STIM2: variants seen among roughly 807,000 people sequenced by gnomAD.
The protein encoded by STIM2 is stromal interaction molecule 2.
Under a neutral mutation model 85.8 loss-of-function variants are expected in STIM2, and 31 were observed. That is an observed-to-expected ratio of 0.36 (90% CI 0.27 to 0.49). The LOEUF (loss-of-function observed/expected upper bound fraction) is 0.49. STIM2 is among the 20% of genes least tolerant of loss of function. STIM2 has a pLI of 0.98. For missense variants in STIM2, 841 were observed against 927.6 expected (o/e 0.91, Z 1.21); for synonymous variants, 356 against 331.1 (o/e 1.08, Z -0.82).
At chr4:26,865,863 G>C (rs777373764) in intron 1 of STIM2, among the ~76,000 whole-genome samples, 4 of 152,018 alleles carry the variant, frequency 2.6e-5, no homozygotes, top group Non-Finnish European at 5.9e-5. Context: ...GACCATTTTG[G>C]ACTCAGACTA....
intron 3 of STIM2, among the ~76,000 whole-genome samples, chr4:26,985,437 A>G (rs1473922259): frequency 6.6e-6 from 1 of 152,162 alleles, no homozygotes; most frequent in Non-Finnish European, 1.5e-5. Context: ...ACTGGTGTAC[A>G]CCTGTGTTGT....
intron 1 of STIM2, among the ~76,000 whole-genome samples, chr4:26,884,584 C>A (rs6855521): frequency 0.19 from 29,323 of 152,174 alleles, 3,725 homozygotes; most frequent in Middle Eastern, 0.31. Flanking sequence ...GAAATTGTGT[C>A]GTTGTATAGG....
chr4:26,877,952 C>A (rs1042774975), intron 1 of STIM2, among the ~76,000 whole-genome samples: 2 of 152,158 alleles, frequency 1.3e-5, no homozygotes, highest in African/African-American at 2.4e-5. Context: ...CTTTGCCCAT[C>A]TGCCATGTAG....
chr4:26,927,911 C>T (rs1262910807), intron 2 of STIM2, among the ~76,000 whole-genome samples: 3 of 145,912 alleles, frequency 2.1e-5, no homozygotes, highest in African/African-American at 7.6e-5. Context: ...TAATATATTT[C>T]TTAGTCTGGT....
At chr4:26,970,942 G>A (rs1457796117) in intron 3 of STIM2, among the ~76,000 whole-genome samples, 1 of 152,164 alleles carries the variant, frequency 6.6e-6, no homozygotes, top group African/African-American at 2.4e-5. Flanking sequence ...GTTCTGATTG[G>A]CATGAGATGG....
chr4:27,008,433 A>C lies in STIM2; in HGVS notation c.1155A>C (p.Glu385Asp). Residue 385 changes from glutamate (E) to aspartate (D), a missense_variant, in exon 9 of 12, where the codon GAA becomes GAC. Glu to Asp is a conservative substitution (Grantham distance 45, BLOSUM62 2). Around this residue, in one of 3 missense-constraint regions of STIM2, gnomAD observed 408 missense variants for 525.4 expected, o/e 0.78. Coordinates refer to ENST00000467087, the MANE Select transcript of STIM2 (RefSeq NM_020860.4). ...TAGTCCTTTTCGGTTTCTAGGCAGAAAAAATTAAAAAGAAGAGAAGCACAG... is the reference window on the plus strand; with the variant it reads ...TAGTCCTTTTCGGTTTCTAGGCAGACAAAATTAAAAAGAAGAGAAGCACAG... The C allele has an allele frequency of 1.3e-6, 2 of 1,581,136 alleles. No homozygotes were observed. The highest frequency in any genetic ancestry group is 1.7e-6 in the Non-Finnish European group (2 of 1,167,146).
intron 1 of STIM2, among the ~76,000 whole-genome samples, chr4:26,909,542 C>T (rs952855654): frequency 2.6e-5 from 4 of 152,240 alleles, no homozygotes; most frequent in South Asian, 2.1e-4. Context: ...AGTAAAACAA[C>T]GTATTGCACT....
At chr4:26,982,016 A>G (rs558293341) in intron 3 of STIM2, among the ~76,000 whole-genome samples, 1 of 151,774 alleles carries the variant, frequency 6.6e-6, no homozygotes, top group East Asian at 1.9e-4. Context: ...TTAAAATCAC[A>G]TTCCTCATTT....
intron 2 of STIM2, among the ~76,000 whole-genome samples, chr4:26,941,972 A>G (rs1490780293): frequency 6.6e-6 from 1 of 152,184 alleles, no homozygotes; most frequent in Admixed American, 6.5e-5. Flanking sequence ...AAATCTTTGT[A>G]TTACTGTAAA....
Position 27,023,002 on chromosome 4 carries a change from CT to C in STIM2, c.*7del. The C allele has an allele frequency of 6.2e-7, 1 of 1,605,406 alleles. No individual in the cohort carries two copies. Among genetic ancestry groups the C allele is most frequent in the African/African-American group, 1.3e-5 (1 of 74,798 alleles). ...TTAAGAAGAAATCTAAGTGAACTGGCTGACTTGATGGAATCATGTTCAAGTG... is the reference window on the plus strand; with the variant it reads ...TTAAGAAGAAATCTAAGTGAACTGGCGACTTGATGGAATCATGTTCAAGTG... On this transcript the variant is annotated 3_prime_UTR_variant, in exon 12 of 12. Coordinates refer to ENST00000467087, the MANE Select transcript of STIM2 (RefSeq NM_020860.4).
At chr4:26,874,012 C>G (rs1210091151) in intron 1 of STIM2, 101 of 782,778 alleles carry the variant, frequency 1.3e-4, no homozygotes, top group Non-Finnish European at 6.8e-6. Flanking sequence ...TGGCCTTCAC[C>G]TGAGTCTCCA....
intron 3 of STIM2, among the ~76,000 whole-genome samples, chr4:26,993,119 G>T (rs763924573): frequency 1.3e-5 from 2 of 152,130 alleles, no homozygotes; most frequent in East Asian, 3.8e-4. Flanking sequence ...TTGTGTGGGC[G>T]TGTGAGGTAC....
At chr4:26,873,844 G>T in intron 1 of STIM2, 2 of 1,022,280 alleles carry the variant, frequency 2.0e-6, no homozygotes, top group Non-Finnish European at 3.1e-6. Context: ...GTAGTGGGTG[G>T]GTACGTGAAC....
chr4:27,022,669 G>C lies in STIM2; in HGVS notation c.1914G>C (p.Gly638=), dbSNP rs1008598772. The change falls in exon 12 of 12, where the codon GGG becomes GGC. Residue 638 remains glycine, a synonymous_variant. Transcript: ENST00000467087. ...TGTCCCTAGAGGATTCCTCCCGAGG[G>C]GATTCGCCTGTAACTGTGGATGTGT... 1 of 1,614,060 alleles carries C rather than the reference G, an allele frequency of 6.2e-7. No individual in the cohort carries two copies. Among genetic ancestry groups the C allele is most frequent in the African/African-American group, 1.3e-5 (1 of 74,922 alleles).
intron 3 of STIM2, among the ~76,000 whole-genome samples, chr4:26,974,553 T>G (rs1727106493): frequency 6.6e-6 from 1 of 152,234 alleles, no homozygotes; most frequent in African/African-American, 2.4e-5. Context: ...TTTAAGAATG[T>G]TGAATATCGA....
chr4:26,887,463 G>T (rs1202992598), intron 1 of STIM2, among the ~76,000 whole-genome samples: 1 of 152,208 alleles, frequency 6.6e-6, no homozygotes, highest in East Asian at 1.9e-4. Context: ...TCATTCATTA[G>T]CTCCTCAGAT....
At chr4:26,914,913 C>T (rs1244461600) in intron 1 of STIM2, among the ~76,000 whole-genome samples, 1 of 152,152 alleles carries the variant, frequency 6.6e-6, no homozygotes, top group African/African-American at 2.4e-5. Context: ...CACATTTATG[C>T]TTCTTGGTGC....
At chr4:26,873,159 G>A (rs1338864725) in intron 1 of STIM2, among the ~76,000 whole-genome samples, 2 of 152,166 alleles carry the variant, frequency 1.3e-5, no homozygotes, top group African/African-American at 4.8e-5. Flanking sequence ...CCACACTTTG[G>A]GAGGCCGAGG....
At chr4:26,883,139 G>C (rs947402845) in intron 1 of STIM2, among the ~76,000 whole-genome samples, 1 of 151,070 alleles carries the variant, frequency 6.6e-6, no homozygotes, top group Non-Finnish European at 1.5e-5. Flanking sequence ...ATGAGCCACT[G>C]TACCCGGCCT....
Sources: allele counts gnomAD v4.1 joint callset (sites outside exome capture counted in the v4.1 genomes callset), GRCh38; gene constraint gnomAD v4.1.1; regional missense constraint gnomAD v4.1.1; transcripts MANE v1.5; gene names NCBI Gene and HGNC (gene_info 2026-07-23, HGNC 2026-07-21).